NFATC3: variants seen among roughly 807,000 people sequenced by gnomAD.
NFATC3 encodes the protein nuclear factor of activated T-cells, cytoplasmic 3.
Under a neutral mutation model 98.6 loss-of-function variants are expected in NFATC3, and 46 were observed. The observed-to-expected ratio is 0.47, with a 90% confidence interval of 0.37 to 0.60. The LOEUF is 0.60. Among genes scored for constraint, NFATC3 ranks in the 20% least tolerant of loss-of-function variants. The pLI, the probability that NFATC3 is intolerant of heterozygous loss-of-function variation, is 0.00. For missense variants in NFATC3, 1,256 were observed against 1,295.5 expected (o/e 0.97, Z 0.47); for synonymous variants, 512 against 472.2 (o/e 1.08, Z -1.09).
At chr16:68,159,455 G>A (rs922692508) in intron 4 of NFATC3, among the ~76,000 whole-genome samples, 6 of 141,784 alleles carry the variant, frequency 4.2e-5, no homozygotes, top group African/African-American at 8.0e-5. Flanking sequence ...ATGGAGTCTC[G>A]CTCTGTGGCC....
intron 6 of NFATC3, among the ~76,000 whole-genome samples, chr16:68,178,556 T>C (rs966765888): frequency 2.0e-5 from 3 of 152,200 alleles, no homozygotes; most frequent in Non-Finnish European, 4.4e-5. Flanking sequence ...GGGAAGCACC[T>C]ATAAACAAAT....
intron 1 of NFATC3, among the ~76,000 whole-genome samples, chr16:68,116,985 G>A (rs1037483598): frequency 7.2e-5 from 11 of 152,042 alleles, no homozygotes; most frequent in African/African-American, 2.7e-4. Context: ...CTGTTTGCTT[G>A]TTTTTCCTGT....
chr16:68,192,225 A>AT (rs1188351821), intron 9 of NFATC3: 1,591 of 79,044 alleles, frequency 0.02, 135 homozygotes, highest in East Asian at 0.15. Context: ...AAAAAAAAAA[A>AT]AAAAAATATA....
At position 68,192,229 on chromosome 16, in the gene NFATC3, AAATATATAT is replaced by A. The variant is rs1278358205; in HGVS notation, c.3106+456_3106+464del. 1.3e-4 allele frequency: 8 copies of A among 61,346 alleles called. 1 individual carries two copies. The highest frequency in any genetic ancestry group is 5.0e-4 in the African/African-American group (8 of 15,922). The allele number at this position is 61,346 out of a possible 1,614,324, so 3.8% of individuals were successfully genotyped here. On this transcript the variant is annotated intron_variant, in intron 9 of 9. Transcript: ENST00000346183. ...TCTCGGGAAAAAAAAAAAAAAAAAA[AAATATATAT>A]ATATATATATATATATGTATGTGTA... is the stretch of plus-strand genomic sequence containing the variant.
chr16:68,096,123 G>C (rs1448599448), intron 1 of NFATC3, among the ~76,000 whole-genome samples: 1 of 151,938 alleles, frequency 6.6e-6, no homozygotes, highest in Non-Finnish European at 1.5e-5. Context: ...ACCATGCCCA[G>C]CTAATTTTTA....
rs371090572 is a variant in NFATC3 at position 68,089,212 on chromosome 16, TAG to T, written c.103+3433_103+3434del. The T allele has an allele frequency of 3.0e-6, 3 of 985,362 alleles. No individual in the cohort carries two copies. In the African/African-American group the frequency reaches 5.2e-5, roughly 17 times the overall value. 61.0% of individuals were successfully genotyped at this position (985,362 alleles called of 1,614,324 possible). A position where few individuals can be genotyped will look rare whatever the true frequency, so the allele number is the denominator to read the frequency against. Reference sequence around the variant, plus strand: ...TTTGAAAAATAGTGAGGTAAGTGGATAGAGAGTGAGGACAAGCCAAGGGCTGA... The same window carrying T: ...TTTGAAAAATAGTGAGGTAAGTGGATAGAGTGAGGACAAGCCAAGGGCTGA... On this transcript the variant is annotated intron_variant, in intron 1 of 9. Coordinates refer to ENST00000346183, the MANE Select transcript of NFATC3 (RefSeq NM_173165.3).
chr16:68,220,449 A>G (rs148216142), intron 9 of NFATC3, among the ~76,000 whole-genome samples: 24 of 152,234 alleles, frequency 1.6e-4, no homozygotes, highest in African/African-American at 5.3e-4. Flanking sequence ...TGACAGAGTA[A>G]GACTCTATCT....
At position 68,228,058 on chromosome 16, in the gene NFATC3, G is replaced by T. The variant is rs528736089; in HGVS notation, c.*1587G>T. 1 of 152,224 alleles carries T rather than the reference G, an allele frequency of 6.6e-6. No individual in the cohort carries two copies. Among genetic ancestry groups the T allele is most frequent in the Admixed American group, 6.5e-5 (1 of 15,288 alleles). The allele number at this position is 152,224 out of a possible 1,614,324, so 9.4% of individuals were successfully genotyped here. A position where few individuals can be genotyped will look rare whatever the true frequency, so the allele number is the denominator to read the frequency against. On this transcript the variant is annotated 3_prime_UTR_variant, in exon 10 of 10. Coordinates refer to ENST00000346183, the MANE Select transcript of NFATC3 (RefSeq NM_173165.3). ...CTAAGGCCAGTTCAGGTCTGGGAAAGGGAGCTGGCCTATTGCCCACCACCT... is the reference window on the plus strand; with the variant it reads ...CTAAGGCCAGTTCAGGTCTGGGAAATGGAGCTGGCCTATTGCCCACCACCT...
At chr16:68,118,525 T>G (rs1567506305) in intron 1 of NFATC3, among the ~76,000 whole-genome samples, 1 of 152,220 alleles carries the variant, frequency 6.6e-6, no homozygotes, top group South Asian at 2.1e-4. Context: ...ATGTCTCTTC[T>G]AACCTCTTAA....
intron 6 of NFATC3, among the ~76,000 whole-genome samples, chr16:68,176,915 T>A (rs1433415344): frequency 6.6e-6 from 1 of 152,190 alleles, no homozygotes; most frequent in Non-Finnish European, 1.5e-5. Context: ...GGGGACTGTC[T>A]TTGTGGGGAG....
intron 8 of NFATC3, among the ~76,000 whole-genome samples, chr16:68,186,945 C>G (rs1382634251): frequency 6.6e-6 from 1 of 152,240 alleles, no homozygotes; most frequent in African/African-American, 2.4e-5. Context: ...CAGCCGAAAA[C>G]CCCTGTGGCT....
intron 9 of NFATC3, chr16:68,221,489 C>T (rs1335361935): frequency 7.8e-7 from 1 of 1,278,624 alleles, no homozygotes; most frequent in Non-Finnish European, 9.9e-7. Flanking sequence ...TGTCATTGTT[C>T]CAAGTCCCCA....
intron 9 of NFATC3, among the ~76,000 whole-genome samples, chr16:68,205,040 G>A (rs978925146): frequency 6.8e-6 from 1 of 147,928 alleles, no homozygotes; most frequent in Non-Finnish European, 1.5e-5. Context: ...TACAGTTAGT[G>A]TCTCCATCTG....
At chr16:68,220,630 G>A (rs569895687) in intron 9 of NFATC3, among the ~76,000 whole-genome samples, 2 of 150,372 alleles carry the variant, frequency 1.3e-5, no homozygotes, top group South Asian at 2.1e-4. Flanking sequence ...TGTCCCGGCC[G>A]GGCAGGGTGG....
At chr16:68,139,532 T>G (rs2037632455) in intron 3 of NFATC3, among the ~76,000 whole-genome samples, 2 of 152,202 alleles carry the variant, frequency 1.3e-5, no homozygotes, top group Admixed American at 1.3e-4. Flanking sequence ...AGAAGGGTAC[T>G]TAAACATCAG....
At chr16:68,157,842 T>C in intron 3 of NFATC3, 27 bp from the exon 4 acceptor site, 1 of 1,590,836 alleles carries the variant, frequency 6.3e-7, no homozygotes, top group Non-Finnish European at 8.6e-7. Context: ...TGAATTGTGC[T>C]TTTCTGTGTT....
At chr16:68,200,157 C>T (rs527353057) in intron 9 of NFATC3, 42 of 152,104 alleles carry the variant, frequency 2.8e-4, no homozygotes, top group African/African-American at 1.0e-3. Context: ...CCAGCAACTT[C>T]ATCCTTCCCT....
In NFATC3 at chr16:68,085,680, C is replaced by T. The variant is rs1354643408; in HGVS notation, c.-2C>T. The stretch of plus-strand genomic sequence containing the variant: ...GGAGCTGCAGCACCCTGGGCCACGC[C>T]GATGACTACTGCAAACTGTGGCGCC... On this transcript the variant is annotated 5_prime_UTR_variant, in exon 1 of 10. Coordinates refer to ENST00000346183, the MANE Select transcript of NFATC3 (RefSeq NM_173165.3). The T allele has an allele frequency of 1.3e-6, 2 of 1,512,986 alleles. No homozygotes were observed. Among genetic ancestry groups the T allele is most frequent in the East Asian group, 2.8e-5 (1 of 35,726 alleles). 93.7% of individuals were successfully genotyped at this position (1,512,986 alleles called of 1,614,324 possible). A position where few individuals can be genotyped will look rare whatever the true frequency, so the allele number is the denominator to read the frequency against.
At chr16:68,135,019 A>C (rs1444577510) in intron 3 of NFATC3, among the ~76,000 whole-genome samples, 2 of 151,970 alleles carry the variant, frequency 1.3e-5, no homozygotes, top group Non-Finnish European at 2.9e-5. Context: ...GAAGTGTAGA[A>C]TTATGTAACA....
Sources: allele counts gnomAD v4.1 joint callset (sites outside exome capture counted in the v4.1 genomes callset), GRCh38; gene constraint gnomAD v4.1.1; transcripts MANE v1.5; gene names NCBI Gene and HGNC (gene_info 2026-07-23, HGNC 2026-07-21).